ROBO2: variants seen among roughly 807,000 people sequenced by gnomAD.
The protein encoded by ROBO2 is roundabout homolog 2.
A neutral mutation model predicts 160.8 loss-of-function variants in ROBO2; 53 were observed. The ratio of observed to expected loss-of-function variants is 0.33; its 90% confidence interval spans 0.26 to 0.41. The LOEUF is 0.41. Ranked by LOEUF, ROBO2 falls within the 10% of genes least tolerant of loss-of-function variation. The pLI, the probability that ROBO2 is intolerant of heterozygous loss-of-function variation, is 1.00. For missense variants in ROBO2, 1,577 were observed against 1,722.4 expected (o/e 0.92, Z 1.49); for synonymous variants, 664 against 611.7 (o/e 1.09, Z -1.26).
chr3:77,377,881 G>C (rs1362424101), intron 2 of ROBO2, among the ~76,000 whole-genome samples: 1 of 152,186 alleles, frequency 6.6e-6, no homozygotes, highest in Non-Finnish European at 1.5e-5. Flanking sequence ...CAGCCTGGCG[G>C]CCAAACAGAG....
chr3:76,353,699 C>T (rs1215060874), intron 2 of ROBO2, among the ~76,000 whole-genome samples: 1 of 151,932 alleles, frequency 6.6e-6, no homozygotes, highest in Non-Finnish European at 1.5e-5. Flanking sequence ...ACACTACAAC[C>T]TTCGCAACCT....
At chr3:76,440,536 G>T (rs2076879650) in intron 2 of ROBO2, among the ~76,000 whole-genome samples, 1 of 152,116 alleles carries the variant, frequency 6.6e-6, no homozygotes, top group Admixed American at 6.6e-5. Flanking sequence ...TCTGTAAAGG[G>T]TGCTTTAGTG....
intron 2 of ROBO2, among the ~76,000 whole-genome samples, chr3:77,450,139 T>C (rs1011518218): frequency 1.4e-4 from 21 of 152,280 alleles, no homozygotes; most frequent in African/African-American, 4.3e-4. Context: ...CAGTTTTCTC[T>C]GGGCATATTT....
chr3:76,833,486 G>A (rs577083524), intron 2 of ROBO2, among the ~76,000 whole-genome samples: 28 of 152,282 alleles, frequency 1.8e-4, no homozygotes, highest in South Asian at 8.3e-4. Context: ...AAGACAAAAC[G>A]ATATGAGGAA....
intron 4 of ROBO2, among the ~76,000 whole-genome samples, chr3:77,488,645 A>G (rs1360624706): frequency 6.6e-6 from 1 of 152,138 alleles, no homozygotes; most frequent in African/African-American, 2.4e-5. Context: ...TTACTTTCTA[A>G]TCCACCTAGC....
At chr3:77,537,402 A>G (rs1387690741) in intron 6 of ROBO2, among the ~76,000 whole-genome samples, 1 of 152,174 alleles carries the variant, frequency 6.6e-6, no homozygotes, top group African/African-American at 2.4e-5. Context: ...TGTTTTGCTC[A>G]TACAATGAAT....
intron 2 of ROBO2, among the ~76,000 whole-genome samples, chr3:75,996,040 C>G (rs1167534946): frequency 6.6e-6 from 1 of 152,088 alleles, no homozygotes; most frequent in Non-Finnish European, 1.5e-5. Flanking sequence ...AAGGGAACTG[C>G]CTTGTCTCAG....
intron 2 of ROBO2, among the ~76,000 whole-genome samples, chr3:76,466,719 A>G (rs1219370443): frequency 6.6e-6 from 1 of 152,016 alleles, no homozygotes; most frequent in Non-Finnish European, 1.5e-5. Context: ...TGTCTTAGAT[A>G]CATAGGTTAT....
chr3:77,111,133 T>A (rs1335142360), intron 2 of ROBO2, among the ~76,000 whole-genome samples: 1 of 152,158 alleles, frequency 6.6e-6, no homozygotes, highest in East Asian at 1.9e-4. Context: ...CTTTTAAAGA[T>A]CTTGTTTATG....
intron 2 of ROBO2, among the ~76,000 whole-genome samples, chr3:76,421,844 C>T (rs561540394): frequency 6.6e-6 from 1 of 152,266 alleles, no homozygotes; most frequent in Non-Finnish European, 1.5e-5. Context: ...GGTTTTGCCA[C>T]GAAAGTCACA....
intron 2 of ROBO2, among the ~76,000 whole-genome samples, chr3:76,832,344 G>A (rs1445625045): frequency 1.3e-5 from 2 of 152,126 alleles, no homozygotes; most frequent in Non-Finnish European, 2.9e-5. Flanking sequence ...TGAAATTATA[G>A]CACACTTATT....
chr3:76,603,175 CA>C (rs1020740161), intron 2 of ROBO2, among the ~76,000 whole-genome samples: 185 of 150,312 alleles, frequency 1.2e-3, no homozygotes, highest in African/African-American at 4.2e-3. Context: ...ACTAAAAATA[CA>C]AAAAAATTAG....
intron 2 of ROBO2, among the ~76,000 whole-genome samples, chr3:76,127,163 G>A (rs1268419597): frequency 6.6e-6 from 1 of 152,110 alleles, no homozygotes; most frequent in Non-Finnish European, 1.5e-5. Flanking sequence ...GGGACAGTCT[G>A]TAAGCCTTTG....
intron 2 of ROBO2, among the ~76,000 whole-genome samples, chr3:77,023,821 G>T (rs4643744): frequency 0.3 from 45,193 of 152,026 alleles, 9,540 homozygotes; most frequent in African/African-American, 0.6. Context: ...GTTAGCCTAC[G>T]ATATCTACAG....
chr3:76,712,973 AG>A (rs2093323660), intron 2 of ROBO2, among the ~76,000 whole-genome samples: 1 of 152,180 alleles, frequency 6.6e-6, no homozygotes, highest in South Asian at 2.1e-4. Context: ...TTTCACAAGG[AG>A]TAAGGACATA....
At chr3:76,292,782 T>A (rs1331142632) in intron 2 of ROBO2, among the ~76,000 whole-genome samples, 3 of 152,212 alleles carry the variant, frequency 2.0e-5, no homozygotes, top group African/African-American at 7.2e-5. Flanking sequence ...TGTGTCTTTT[T>A]AAACAAAGCT....
chr3:76,508,433 C>A (rs1042910295), intron 2 of ROBO2, among the ~76,000 whole-genome samples: 4 of 152,036 alleles, frequency 2.6e-5, no homozygotes, highest in Non-Finnish European at 4.4e-5. Context: ...TAATACATTC[C>A]TTGCAACAAT....
Position 77,512,343 on chromosome 3 carries a change from T to A in ROBO2, c.807-10432T>A, listed in dbSNP as rs548340471. On this transcript the variant is annotated intron_variant, in intron 5 of 25. Transcript: ENST00000461745. Reference sequence around the variant, plus strand: ...GAGCATTTTAGAAAAATTGAGCAACTTTTCCTATTTTCAGCTCTCAAAATT... The same window carrying A: ...GAGCATTTTAGAAAAATTGAGCAACATTTCCTATTTTCAGCTCTCAAAATT... 2.6e-5 allele frequency among the ~76,000 whole-genome samples: 4 copies of A among 152,070 alleles called. No homozygotes were observed. In the South Asian group the frequency reaches 8.3e-4, roughly 31 times the overall value.
intron 2 of ROBO2, among the ~76,000 whole-genome samples, chr3:76,325,867 T>C (rs1392878000): frequency 1.3e-5 from 2 of 152,146 alleles, no homozygotes; most frequent in African/African-American, 4.8e-5. Flanking sequence ...TGAATAACTA[T>C]AATAACAAAA....
Sources: allele counts gnomAD v4.1 joint callset (sites outside exome capture counted in the v4.1 genomes callset), GRCh38; gene constraint gnomAD v4.1.1; transcripts MANE v1.5; gene names NCBI Gene and HGNC (gene_info 2026-07-23, HGNC 2026-07-21).